Variants in OSBPL3 observed in about 807,000 individuals in gnomAD.
OSBPL3 encodes the protein oxysterol binding protein like 3, also known as oxysterol-binding protein-related protein 3.
OSBPL3 carries 65 observed loss-of-function variants against 120.1 expected under a neutral mutation model. The ratio of observed to expected loss-of-function variants is 0.54; its 90% CI spans 0.44 to 0.67. The LOEUF (loss-of-function observed/expected upper bound fraction) is 0.67. OSBPL3 is among the 30% of genes least tolerant of loss of function. OSBPL3 has a pLI of 0.00. For missense variants in OSBPL3, 1,004 were observed against 1,082.1 expected, an observed-to-expected ratio of 0.93 and a Z score of 1.01; for synonymous variants, 416 against 402.6, an observed-to-expected ratio of 1.03 and a Z score of -0.40.
intron 15 of OSBPL3, among the ~76,000 whole-genome samples, chr7:24,832,509 C>CAAAAA (rs1191532612): frequency 3.3e-4 from 32 of 96,648 alleles, no homozygotes; most frequent in Middle Eastern, 5.6e-3. Context: ...GACTCTGCCT[C>CAAAAA]AAAGAAAAAA....
chr7:24,931,293 G>A (rs1301923059), intron 1 of OSBPL3, among the ~76,000 whole-genome samples: 2 of 152,200 alleles, frequency 1.3e-5, no homozygotes, highest in African/African-American at 4.8e-5. Flanking sequence ...GTGCCTGTCT[G>A]TGGTAGGCAG....
intron 12 of OSBPL3, among the ~76,000 whole-genome samples, chr7:24,846,067 C>G (rs960198289): frequency 6.6e-6 from 1 of 152,116 alleles, no homozygotes; most frequent in Non-Finnish European, 1.5e-5. Context: ...CACCCCTTTC[C>G]CATTGGCTTT....
At chr7:24,910,047 C>G (rs1393165997) in intron 1 of OSBPL3, among the ~76,000 whole-genome samples, 1 of 152,058 alleles carries the variant, frequency 6.6e-6, no homozygotes, top group African/African-American at 2.4e-5. Context: ...CTCAGGTGAT[C>G]CACCTGCCTC....
rs376626596 is a variant in OSBPL3 at position 24,886,109 on chromosome 7, ATTAAT to A, written c.96+6263_96+6267del. Among the ~76,000 whole-genome samples the A allele has an allele frequency of 2.7e-3, 413 of 152,362 alleles. 3 individuals carry two copies. Among genetic ancestry groups the A allele is most frequent in the African/African-American group, 9.7e-3 (403 of 41,588 alleles). ...TAAGCAACTGCATGTTTATTCATTCATTAATTTAATCTACACTTACTGAATGTTTC... is the reference window on the plus strand; with the variant it reads ...TAAGCAACTGCATGTTTATTCATTCATTAATCTACACTTACTGAATGTTTC... On this transcript the variant is annotated intron_variant, in intron 2 of 22. Transcript: ENST00000313367.
At position 24,932,618 on chromosome 7, in the gene OSBPL3, C is replaced by T. The variant is rs1246954191; in HGVS notation, c.-149-39997G>A. On this transcript the variant is annotated intron_variant, in intron 1 of 22. Transcript: ENST00000313367. This position sits in a 1 kb window ranked among gnomAD's most constrained non-coding sequence, Gnocchi z 5.6. ...TTGTCCCTTCCACCCTGTGAGCACACAGCAAAAAGGCACTGTCTACCAACC... is the reference window on the plus strand; with the variant it reads ...TTGTCCCTTCCACCCTGTGAGCACATAGCAAAAAGGCACTGTCTACCAACC... Among the ~76,000 whole-genome samples, 1 of 152,154 alleles carries T rather than the reference C, an allele frequency of 6.6e-6. No individual in the cohort carries two copies. The highest frequency in any genetic ancestry group is 1.5e-5 in the Non-Finnish European group (1 of 68,030).
intron 1 of OSBPL3, among the ~76,000 whole-genome samples, chr7:24,921,191 C>G (rs1237166566): frequency 1.7e-5 from 2 of 116,452 alleles, no homozygotes; most frequent in African/African-American, 7.2e-5. Flanking sequence ...AGCAGTGACT[C>G]AAGCCCACAT....
chr7:24,873,592 A>AT lies in OSBPL3; in HGVS notation c.97-1524dup, dbSNP rs527602157. ...AAAGATCCAGCTTTTAAATTAGAGGATTTTTTTTTTAAGGAAGGTAGCAAT... is the reference window on the plus strand; with the variant it reads ...AAAGATCCAGCTTTTAAATTAGAGGATTTTTTTTTTTAAGGAAGGTAGCAAT... On this transcript the variant is annotated intron_variant, in intron 2 of 22. Coordinates refer to ENST00000313367, the MANE Select transcript of OSBPL3 (RefSeq NM_015550.4). The surrounding 1 kb of genome is among the most constrained non-coding windows in gnomAD (Gnocchi z 4.1). Among the ~76,000 whole-genome samples the AT allele has an allele frequency of 2.7e-4, 41 of 150,030 alleles. No homozygotes were observed. Among genetic ancestry groups the AT allele is most frequent in the South Asian group, 1.7e-3 (8 of 4,736 alleles).
In OSBPL3 at chr7:24,910,853, G is replaced by A. The variant is rs562493095; in HGVS notation, c.-149-18232C>T. 2.4e-3 allele frequency among the ~76,000 whole-genome samples: 372 copies of A among 152,256 alleles called. 2 individuals carry two copies. Among genetic ancestry groups the A allele is most frequent in the African/African-American group, 8.7e-3 (360 of 41,552 alleles). On this transcript the variant is annotated intron_variant, in intron 1 of 22. Transcript: ENST00000313367. ...GGAGGACAAAGCTGTGAGCTGGGTC[G>A]GGAGGGGCACCTCCTGCAACATTTC...
upstream of OSBPL3, among the ~76,000 whole-genome samples, chr7:24,981,235 G>A (rs1818310315): frequency 4.6e-5 from 7 of 152,204 alleles, no homozygotes; most frequent in Admixed American, 3.9e-4. The surrounding 1 kb of genome is among the most constrained non-coding windows in gnomAD (Gnocchi z 7.3). Context: ...GGTTTAGCGC[G>A]TGATGGGGCG....
chr7:24,934,328 C>T (rs57236584), intron 1 of OSBPL3, among the ~76,000 whole-genome samples: 27,703 of 151,998 alleles, frequency 0.18, 2,683 homozygotes, highest in African/African-American at 0.21. Context: ...GACAGATAAC[C>T]GAGTTCCTCA....
Position 24,806,700 on chromosome 7 carries a change from G to T in OSBPL3, c.2444+76C>A, listed in dbSNP as rs1793084761. ...CCACCTTTCTCAGGTGCCTCTGGTG[G>T]CCTAAGGATTGTTAATAAGACTTTT... On this transcript the variant is annotated intron_variant, in intron 21 of 22. Coordinates refer to ENST00000313367, the MANE Select transcript of OSBPL3 (RefSeq NM_015550.4). The surrounding 1 kb of genome is among the most constrained non-coding windows in gnomAD (Gnocchi z 5.2). 2.2e-6 allele frequency: 3 copies of T among 1,374,992 alleles called. No individual in the cohort carries two copies. The highest frequency in any genetic ancestry group is 2.8e-5 in the South Asian group (2 of 72,654). 85.2% of individuals were successfully genotyped at this position (1,374,992 alleles called of 1,614,324 possible).
In OSBPL3 at chr7:24,896,194, C is replaced by G. The variant is rs1562898571; in HGVS notation, c.-149-3573G>C. ...GATCTGCTTTTGTTTCAACAAACCA[C>G]CTGGTGGTGAGGTTGAGGAGGAGAG... is the stretch of plus-strand genomic sequence containing the variant. On this transcript the variant is annotated intron_variant, in intron 1 of 22. Coordinates refer to ENST00000313367, the MANE Select transcript of OSBPL3 (RefSeq NM_015550.4). This position sits in a 1 kb window ranked among gnomAD's most constrained non-coding sequence, Gnocchi z 4.4. 6.6e-6 allele frequency among the ~76,000 whole-genome samples: 1 copy of G among 152,212 alleles called. No homozygotes were observed. Among genetic ancestry groups the G allele is most frequent in the Non-Finnish European group, 1.5e-5 (1 of 68,042 alleles).
chr7:24,826,966 A>G (rs1404928218), intron 16 of OSBPL3, among the ~76,000 whole-genome samples: 1 of 152,188 alleles, frequency 6.6e-6, no homozygotes, highest in Non-Finnish European at 1.5e-5. Flanking sequence ...CTTGGAAGAG[A>G]GGCAGCCATC....
chr7:24,863,475 C>CAG lies in OSBPL3; in HGVS notation c.777+19_777+20dup. ...AAGCAGAAGAGGGCCAGAATGTCAA[C>CAG]AGAAGAGGAGTCCGGCTCACCTGGA... is the stretch of plus-strand genomic sequence containing the variant. On this transcript the variant is annotated intron_variant, in intron 8 of 22. Transcript: ENST00000313367. This position sits in a 1 kb window ranked among gnomAD's most constrained non-coding sequence, Gnocchi z 5.8. 6.3e-7 allele frequency: 1 copy of CAG among 1,576,812 alleles called. No homozygotes were observed. Among genetic ancestry groups the CAG allele is most frequent in the Non-Finnish European group, 8.7e-7 (1 of 1,145,986 alleles).
chr7:24,869,121 T>C (rs777303925), intron 5 of OSBPL3, among the ~76,000 whole-genome samples: 7 of 152,234 alleles, frequency 4.6e-5, no homozygotes, highest in Admixed American at 6.5e-5. Flanking sequence ...TCATAACCGA[T>C]GTTCAAAAGA....
intron 1 of OSBPL3, among the ~76,000 whole-genome samples, chr7:24,931,984 G>A (rs923051491): frequency 3.3e-5 from 5 of 152,152 alleles, no homozygotes; most frequent in African/African-American, 9.7e-5. Flanking sequence ...GTGTCATCGC[G>A]TAAACACAAC....
intron 1 of OSBPL3, among the ~76,000 whole-genome samples, chr7:24,979,302 T>A (rs866746900): frequency 7.3e-6 from 1 of 136,572 alleles, no homozygotes; most frequent in South Asian, 2.4e-4. Flanking sequence ...AAAAAAAAAA[T>A]TCCAGAAGGG....
chr7:24,806,702 C>T lies in OSBPL3; in HGVS notation c.2444+74G>A. 3 of 1,440,862 alleles carry T rather than the reference C, an allele frequency of 2.1e-6. No homozygotes were observed. Among genetic ancestry groups the T allele is most frequent in the Non-Finnish European group, 2.9e-6 (3 of 1,050,558 alleles). The allele number at this position is 1,440,862 out of a possible 1,614,324, so 89.3% of individuals were successfully genotyped here. A position where few individuals can be genotyped will look rare whatever the true frequency, so the allele number is the denominator to read the frequency against. On this transcript the variant is annotated intron_variant, in intron 21 of 22. Transcript: ENST00000313367. The surrounding 1 kb of genome is among the most constrained non-coding windows in gnomAD (Gnocchi z 5.2). Reference sequence around the variant, plus strand: ...ACCTTTCTCAGGTGCCTCTGGTGGCCTAAGGATTGTTAATAAGACTTTTTG... The same window carrying T: ...ACCTTTCTCAGGTGCCTCTGGTGGCTTAAGGATTGTTAATAAGACTTTTTG...
Position 24,804,439 on chromosome 7 carries a change from T to C in OSBPL3, c.2445-2A>G. 6.2e-7 allele frequency: 1 copy of C among 1,612,194 alleles called. No individual in the cohort carries two copies. The highest frequency in any genetic ancestry group is 8.5e-7 in the Non-Finnish European group (1 of 1,179,284). On this transcript the variant is annotated splice_acceptor_variant, in intron 21 of 22. Coordinates refer to ENST00000313367, the MANE Select transcript of OSBPL3 (RefSeq NM_015550.4). LOFTEE classifies it high-confidence loss of function. This position sits in a 1 kb window ranked among gnomAD's most constrained non-coding sequence, Gnocchi z 5.4. Reference sequence around the variant, plus strand: ...TCTAAGTTCCCTTCCTCTAGAAACCTGAGGCATCGAGGAAAAAAAAATGAA... The same window carrying C: ...TCTAAGTTCCCTTCCTCTAGAAACCCGAGGCATCGAGGAAAAAAAAATGAA...
Sources: gnomAD v4.1 joint callset for allele counts (sites outside exome capture counted in the v4.1 genomes callset) on GRCh38, gnomAD v4.1.1 for gene constraint, Gnocchi (gnomAD v3.1) non-coding constraint, MANE v1.5 for transcripts, NCBI Gene and HGNC (gene_info 2026-07-23, HGNC 2026-07-21) for gene names.